Variants in CCDC7 observed in about 807,000 individuals in gnomAD.
CCDC7 encodes the protein coiled-coil domain containing 7, also known as coiled-coil domain-containing protein 7.
In CCDC7, 183 loss-of-function variants were observed where a neutral mutation model predicts 196.9. That is an observed-to-expected ratio of 0.93 (90% confidence interval 0.82 to 1.05). CCDC7 has a LOEUF of 1.05. Among genes scored for constraint, CCDC7 ranks in the 50% least tolerant of loss-of-function variants. The pLI, the probability that CCDC7 is intolerant of heterozygous loss-of-function variation, is 0.00. For synonymous variants in CCDC7, 525 were observed against 484.6 expected, an observed-to-expected ratio of 1.08 and a Z score of -1.10; for missense variants, 1,540 against 1,482.2, an observed-to-expected ratio of 1.04 and a Z score of -0.64.
chr10:32,636,993 T>A (rs2065776501), intron 20 of CCDC7, among the ~76,000 whole-genome samples: 1 of 152,228 alleles, frequency 6.6e-6, no homozygotes, highest in African/African-American at 2.4e-5. Flanking sequence ...TGATGAGCAT[T>A]TTTTCATGTG....
chr10:32,463,189 A>G (rs2036095224), intron 5 of CCDC7, 140 bp downstream of exon 6: 2 of 1,073,738 alleles, frequency 1.9e-6, no homozygotes, highest in Admixed American at 5.0e-5. Flanking sequence ...GTTTGGGTAG[A>G]CAAGGAATAA....
At chr10:32,818,846 C>T (rs1376570027) in intron 31 of CCDC7, among the ~76,000 whole-genome samples, 3 of 151,890 alleles carry the variant, frequency 2.0e-5, no homozygotes, top group Non-Finnish European at 2.9e-5. Context: ...GCACTAATAC[C>T]CACAAGAGAA....
intron 29 of CCDC7, 72 bp downstream of exon 30, chr10:32,779,156 T>C: frequency 2.6e-6 from 3 of 1,165,520 alleles, no homozygotes; most frequent in Non-Finnish European, 2.4e-6. Flanking sequence ...TGTATAGTTC[T>C]GTTAAAAAAC....
At chr10:32,461,726 TATATGTATATATATATATATATATAC>T (rs1356533800) in intron 3 of CCDC7, among the ~76,000 whole-genome samples, 8,921 of 35,452 alleles carry the variant, frequency 0.25, 437 homozygotes, top group East Asian at 0.42. Context: ...TATATATATA[TATATGTATATATATATATATATATAC>T]ATATATATAT....
chr10:32,459,831 T>C (rs898757135), intron 3 of CCDC7, among the ~76,000 whole-genome samples: 1 of 152,008 alleles, frequency 6.6e-6, no homozygotes, highest in Non-Finnish European at 1.5e-5. Flanking sequence ...CTAACAGATA[T>C]CAAGATTCAT....
At chr10:32,709,485 T>C (rs796761550) in intron 24 of CCDC7, among the ~76,000 whole-genome samples, 1 of 151,958 alleles carries the variant, frequency 6.6e-6, no homozygotes, top group Non-Finnish European at 1.5e-5. Flanking sequence ...AATAAATAAA[T>C]AAGAAAACTA....
intron 16 of CCDC7, among the ~76,000 whole-genome samples, chr10:32,582,254 T>C (rs932040768): frequency 6.6e-5 from 10 of 151,448 alleles, no homozygotes; most frequent in Admixed American, 5.3e-4. Flanking sequence ...AGTAGGTACA[T>C]TGAAAAATTT....
At chr10:32,491,209 A>T (rs1037735292) in intron 8 of CCDC7, among the ~76,000 whole-genome samples, 1 of 152,180 alleles carries the variant, frequency 6.6e-6, no homozygotes, top group East Asian at 1.9e-4. Context: ...TAGAAAAAAT[A>T]TAATTAATGT....
rs960271516 is a variant in CCDC7 at position 32,729,016 on chromosome 10, G to A, written c.2779+19G>A. 9.6e-6 allele frequency: 14 copies of A among 1,463,482 alleles called. No individual in the cohort carries two copies. Among genetic ancestry groups the A allele is most frequent in the Middle Eastern group, 2.0e-4 (1 of 5,038 alleles). 90.7% of individuals were successfully genotyped at this position (1,463,482 alleles called of 1,614,324 possible). ...CACAAGAGTGAGTATAATAATTATC[G>A]ATAACTTTAAATTATTTTATGTTGA... is the stretch of plus-strand genomic sequence containing the variant. On this transcript the variant is annotated intron_variant, in intron 27 of 41. Coordinates refer to ENST00000639629, the Ensembl canonical transcript of CCDC7.
chr10:32,615,511 AC>A (rs1235368142), intron 18 of CCDC7, among the ~76,000 whole-genome samples: 35 of 151,108 alleles, frequency 2.3e-4, no homozygotes, highest in African/African-American at 8.3e-4. Flanking sequence ...TCCCTTGCTC[AC>A]CTTTTAAATG....
chr10:32,826,086 T>C (rs940290736), intron 32 of CCDC7, among the ~76,000 whole-genome samples: 2 of 152,180 alleles, frequency 1.3e-5, no homozygotes, highest in Non-Finnish European at 1.5e-5. Context: ...AGTGATGGCC[T>C]TCCCTGAGGC....
intron 21 of CCDC7, among the ~76,000 whole-genome samples, chr10:32,669,740 C>G (rs796763889): frequency 5.3e-5 from 8 of 151,884 alleles, no homozygotes; most frequent in African/African-American, 1.9e-4. Flanking sequence ...TTCTTTTATT[C>G]CTGGTTTTGA....
chr10:32,474,349 A>G (rs1412968357), intron 8 of CCDC7, among the ~76,000 whole-genome samples: 2 of 148,756 alleles, frequency 1.3e-5, no homozygotes, highest in Non-Finnish European at 3.0e-5. Flanking sequence ...TCAGCCTCCC[A>G]AGTAGCTGGG....
rs142801821 is a variant in CCDC7 at position 32,861,115 on chromosome 10, CA to C, written c.4111+6645del. ...CCTGCATAGCCAAGACAATCATAAG[CA>C]AAAAAAAAAAAAAAAAAAGAAAGCT... is the stretch of plus-strand genomic sequence containing the variant. On this transcript the variant is annotated intron_variant, in intron 41 of 41. Transcript: ENST00000639629. Among the ~76,000 whole-genome samples, 59 of 97,120 alleles carry C rather than the reference CA, an allele frequency of 6.1e-4. No individual in the cohort carries two copies. In the East Asian group the frequency reaches 8.7e-3, roughly 14 times the overall value. 63.7% of individuals were successfully genotyped at this position (97,120 alleles called of 152,430 possible). A position where few individuals can be genotyped will look rare whatever the true frequency, so the allele number is the denominator to read the frequency against.
chr10:32,744,268 C>T (rs2074321715), intron 28 of CCDC7, among the ~76,000 whole-genome samples: 1 of 151,310 alleles, frequency 6.6e-6, no homozygotes, highest in African/African-American at 2.4e-5. Context: ...AGCATAAATC[C>T]AGTTGATCAG....
At chr10:32,752,614 C>T (rs2075829913) in intron 28 of CCDC7, among the ~76,000 whole-genome samples, 1 of 152,040 alleles carries the variant, frequency 6.6e-6, no homozygotes, top group Non-Finnish European at 1.5e-5. Context: ...TAAAATAGGA[C>T]AAGCAGTCTA....
intron 29 of CCDC7, among the ~76,000 whole-genome samples, chr10:32,790,422 G>A (rs1439094042): frequency 6.6e-6 from 1 of 152,190 alleles, no homozygotes; most frequent in East Asian, 1.9e-4. Flanking sequence ...TGGAGTGCTA[G>A]CCCAGACTGC....
chr10:32,675,237 T>A (rs1444701768), intron 21 of CCDC7, among the ~76,000 whole-genome samples: 1 of 152,124 alleles, frequency 6.6e-6, no homozygotes, highest in Non-Finnish European at 1.5e-5. Flanking sequence ...TATTTCCTTT[T>A]CATCTTTTTT....
At chr10:32,680,390 G>C (rs1483539760) in intron 21 of CCDC7, among the ~76,000 whole-genome samples, 2 of 151,586 alleles carry the variant, frequency 1.3e-5, no homozygotes, top group African/African-American at 4.8e-5. Flanking sequence ...ACCAATGAGA[G>C]TTTATGTTGG....
Sources: gnomAD v4.1 joint callset for allele counts (sites outside exome capture counted in the v4.1 genomes callset) on GRCh38, gnomAD v4.1.1 for gene constraint, MANE v1.5 for transcripts, NCBI Gene and HGNC (gene_info 2026-07-23, HGNC 2026-07-21) for gene names.